CDC42BPA: variants seen among roughly 807,000 people sequenced by gnomAD.
CDC42BPA encodes the protein serine/threonine-protein kinase MRCK alpha.
CDC42BPA carries 80 observed loss-of-function variants against 223.5 expected under a neutral mutation model. The observed-to-expected ratio is 0.36, with a 90% CI of 0.30 to 0.43. CDC42BPA has a LOEUF of 0.43. Ranked by LOEUF, CDC42BPA falls within the 20% of genes least tolerant of loss-of-function variation. CDC42BPA has a pLI of 1.00. For synonymous variants in CDC42BPA, 694 were observed against 718.6 expected, an observed-to-expected ratio of 0.97 and a Z score of 0.55; for missense variants, 1,743 against 2,099.9, an observed-to-expected ratio of 0.83 and a Z score of 3.32.
intron 1 of CDC42BPA, among the ~76,000 whole-genome samples, chr1:227,260,894 T>C (rs2148359589): frequency 6.6e-6 from 1 of 151,000 alleles, no homozygotes; most frequent in South Asian, 2.1e-4. Context: ...AAAAGAGTAG[T>C]TAATAAAGCC....
intron 5 of CDC42BPA, among the ~76,000 whole-genome samples, chr1:227,163,211 T>G (rs1419305536): frequency 6.6e-6 from 1 of 152,064 alleles, no homozygotes; most frequent in Non-Finnish European, 1.5e-5. Context: ...CATATATATG[T>G]GTGTGTATAT....
At chr1:227,200,329 G>A (rs1374979064) in intron 3 of CDC42BPA, among the ~76,000 whole-genome samples, 2 of 151,770 alleles carry the variant, frequency 1.3e-5, no homozygotes, top group African/African-American at 2.4e-5. Flanking sequence ...CACTCAGGAG[G>A]CTAAGACGGG....
rs116769368 is a variant in CDC42BPA, at chr1:227,004,767, G to T, written c.4975+227C>A. ...ATCATCACAATTTGTAATCATATTT[G>T]TCTGTCTCCCAGATGGCCTGTACAC... On this transcript the variant is annotated intron_variant, in intron 35 of 36. Coordinates refer to ENST00000366766, the MANE Select transcript of CDC42BPA (RefSeq NM_001394014.1). 1.8e-5 allele frequency: 11 copies of T among 604,532 alleles called. No homozygotes were observed. The African/African-American group carries it at 1.8e-4, about 10-fold the overall frequency. 37.4% of individuals were successfully genotyped at this position (604,532 alleles called of 1,614,324 possible). A position where few individuals can be genotyped will look rare whatever the true frequency, so the allele number is the denominator to read the frequency against.
At chr1:227,006,350 T>C (rs1451400628) in intron 34 of CDC42BPA, among the ~76,000 whole-genome samples, 4 of 152,216 alleles carry the variant, frequency 2.6e-5, no homozygotes, top group Non-Finnish European at 5.9e-5. Flanking sequence ...GGCAGCATGG[T>C]GGCTGTGAGC....
intron 2 of CDC42BPA, among the ~76,000 whole-genome samples, chr1:227,217,902 T>C (rs1675151929): frequency 6.6e-6 from 1 of 152,204 alleles, no homozygotes; most frequent in Non-Finnish European, 1.5e-5. Flanking sequence ...TTGCTTCCCT[T>C]TACCATTAGT....
intron 1 of CDC42BPA, among the ~76,000 whole-genome samples, chr1:227,284,025 A>G (rs1230970697): frequency 6.6e-6 from 1 of 152,088 alleles, no homozygotes; most frequent in Admixed American, 6.6e-5. Flanking sequence ...ACACCACTGC[A>G]CTCCAGTCTG....
intron 1 of CDC42BPA, among the ~76,000 whole-genome samples, chr1:227,264,226 T>C (rs1221901248): frequency 2.0e-5 from 3 of 152,240 alleles, no homozygotes; most frequent in Admixed American, 2.0e-4. Flanking sequence ...AAATTCATTT[T>C]TGGTCAAGTT....
intron 21 of CDC42BPA, among the ~76,000 whole-genome samples, chr1:227,065,608 A>G (rs1037978904): frequency 6.6e-6 from 1 of 152,264 alleles, no homozygotes; most frequent in African/African-American, 2.4e-5. Context: ...TTGAGTTAAC[A>G]GGCAAAACAT....
intron 21 of CDC42BPA, among the ~76,000 whole-genome samples, chr1:227,061,312 T>C (rs576313349): frequency 9.2e-5 from 14 of 152,302 alleles, no homozygotes; most frequent in East Asian, 7.7e-4. Flanking sequence ...ATAATCATAA[T>C]AACATTTATT....
intron 1 of CDC42BPA, among the ~76,000 whole-genome samples, chr1:227,298,016 TATAC>T (rs1176128097): frequency 1.4e-5 from 2 of 146,938 alleles, no homozygotes; most frequent in South Asian, 2.1e-4. Context: ...ATACATAATA[TATAC>T]ATACATAAAT....
chr1:227,275,610 T>TC (rs1317025391), intron 1 of CDC42BPA, among the ~76,000 whole-genome samples: 5 of 44,156 alleles, frequency 1.1e-4, no homozygotes, highest in Admixed American at 2.4e-4. Flanking sequence ...CCTCTCCCCC[T>TC]CCCCACGGTC....
chr1:227,294,311 T>A (rs1690230255), intron 1 of CDC42BPA, among the ~76,000 whole-genome samples: 1 of 152,106 alleles, frequency 6.6e-6, no homozygotes, highest in Non-Finnish European at 1.5e-5. Flanking sequence ...TAACTGTGTA[T>A]TTATTTAATG....
intron 11 of CDC42BPA, among the ~76,000 whole-genome samples, chr1:227,121,965 T>C (rs995313864): frequency 2.1e-4 from 32 of 152,108 alleles, no homozygotes; most frequent in African/African-American, 7.0e-4. Context: ...CACGTCTGGC[T>C]AATTCTTGTA....
chr1:227,276,066 G>A (rs796111339), intron 1 of CDC42BPA, among the ~76,000 whole-genome samples: 12 of 150,122 alleles, frequency 8.0e-5, no homozygotes, highest in African/African-American at 2.7e-4. Context: ...GCTGCCCATC[G>A]TCTGGGATGT....
Position 227,244,494 on chromosome 1 carries a change from TG to T in CDC42BPA, c.270+9569del, listed in dbSNP as rs35903393. On this transcript the variant is annotated intron_variant, in intron 2 of 36. Transcript: ENST00000366766. Reference sequence around the variant, plus strand: ...AACAAGGAAGTGATTATTCACATGGTGGGGGGGGGCAATGGGAGCCTATCAG... The same window carrying T: ...AACAAGGAAGTGATTATTCACATGGTGGGGGGGGCAATGGGAGCCTATCAG... Among the ~76,000 whole-genome samples the T allele has an allele frequency of 8.8e-3, 1,325 of 149,800 alleles. 19 individuals carry two copies. Among genetic ancestry groups the T allele is most frequent in the African/African-American group, 0.028 (1,130 of 40,524 alleles).
At chr1:227,129,367 T>A in intron 10 of CDC42BPA, 136 bp from the exon 11 acceptor site, 1 of 692,430 alleles carries the variant, frequency 1.4e-6, no homozygotes, top group South Asian at 2.1e-5. Flanking sequence ...AAAAAGCATG[T>A]GAATACTCAA....
chr1:227,157,462 T>C (rs534229375), intron 6 of CDC42BPA, among the ~76,000 whole-genome samples: 1 of 152,326 alleles, frequency 6.6e-6, no homozygotes, highest in African/African-American at 2.4e-5. Flanking sequence ...CAGTAGTCCT[T>C]ACCATTTCTC....
intron 5 of CDC42BPA, among the ~76,000 whole-genome samples, chr1:227,184,907 TCTA>T (rs1420248840): frequency 9.9e-5 from 15 of 152,216 alleles, no homozygotes; most frequent in Admixed American, 8.5e-4. Flanking sequence ...TATTAGCTGC[TCTA>T]CTAATACCAT....
At chr1:227,125,535 T>C (rs1273756829) in intron 11 of CDC42BPA, among the ~76,000 whole-genome samples, 1 of 149,744 alleles carries the variant, frequency 6.7e-6, no homozygotes, top group Non-Finnish European at 1.5e-5. Context: ...AGATGGTAGT[T>C]GCAGTGAGCT....
Sources: allele counts gnomAD v4.1 joint callset (sites outside exome capture counted in the v4.1 genomes callset), GRCh38; gene constraint gnomAD v4.1.1; transcripts MANE v1.5; gene names NCBI Gene and HGNC (gene_info 2026-07-23, HGNC 2026-07-21).